Variants in MACROD2 observed in about 807,000 individuals in gnomAD.
MACROD2 encodes mono-ADP ribosylhydrolase 2.
Under a neutral mutation model 70.4 loss-of-function variants are expected in MACROD2, and 36 were observed. The observed-to-expected ratio is 0.51, with a 90% CI of 0.39 to 0.68. The LOEUF (loss-of-function observed/expected upper bound fraction) is 0.68, where lower values mean the gene tolerates loss of function less well. Ranked by LOEUF, MACROD2 falls within the 30% of genes least tolerant of loss-of-function variation. MACROD2 has a pLI of 0.00. For missense variants in MACROD2, 496 were observed against 538.4 expected (o/e 0.92, Z 0.78); for synonymous variants, 172 against 178.8 (o/e 0.96, Z 0.30).
intron 10 of MACROD2, among the ~76,000 whole-genome samples, chr20:15,924,394 C>T (rs975100738): frequency 7.2e-5 from 11 of 152,240 alleles, no homozygotes; most frequent in African/African-American, 2.7e-4. Context: ...CAATCGTTGA[C>T]TTCCCAAAGA....
At chr20:14,657,803 C>T (rs958055138) in intron 4 of MACROD2, among the ~76,000 whole-genome samples, 2 of 152,050 alleles carry the variant, frequency 1.3e-5, no homozygotes, top group African/African-American at 2.4e-5. Context: ...TATCAGACCA[C>T]CCAAGGAAGG....
chr20:15,541,477 G>C (rs2146567963), intron 8 of MACROD2, among the ~76,000 whole-genome samples: 1 of 152,224 alleles, frequency 6.6e-6, no homozygotes, highest in South Asian at 2.1e-4. Context: ...AGGCAAGCAG[G>C]CCAAACGTGG....
chr20:14,482,370 A>G (rs2084672746), intron 3 of MACROD2, among the ~76,000 whole-genome samples: 1 of 152,132 alleles, frequency 6.6e-6, no homozygotes, highest in Admixed American at 6.5e-5. Context: ...ACAGTAGTTT[A>G]AAAAAGAGAA....
chr20:15,330,918 C>T (rs1254603546), intron 6 of MACROD2, among the ~76,000 whole-genome samples: 1 of 151,680 alleles, frequency 6.6e-6, no homozygotes, highest in Non-Finnish European at 1.5e-5. Context: ...TCTTCTGCCC[C>T]TGGCTATCTC....
intron 5 of MACROD2, among the ~76,000 whole-genome samples, chr20:15,092,986 T>A (rs2075803155): frequency 6.6e-6 from 1 of 152,176 alleles, no homozygotes; most frequent in Admixed American, 6.5e-5. Flanking sequence ...AGAGTTTTAT[T>A]CTACAAAGTA....
chr20:15,982,869 C>T (rs1390864720), intron 13 of MACROD2, among the ~76,000 whole-genome samples: 1 of 151,888 alleles, frequency 6.6e-6, no homozygotes, highest in Non-Finnish European at 1.5e-5. Context: ...CTTGTGCTAA[C>T]AGGGCCGTTG....
chr20:14,831,030 G>A lies in MACROD2; in HGVS notation c.418+146071G>A, dbSNP rs1170480285. Among the ~76,000 whole-genome samples the A allele has an allele frequency of 6.6e-5, 10 of 152,066 alleles. No individual in the cohort carries two copies. The East Asian group carries it at 1.9e-3, about 29-fold the overall frequency. The stretch of plus-strand genomic sequence containing the variant: ...GTTACTGTTTCTGCACATTTCCCTC[G>A]GGATGGTGGTTTGTGAGCATACCTA... On this transcript the variant is annotated intron_variant, in intron 5 of 17. Coordinates refer to ENST00000684519, the MANE Select transcript of MACROD2 (RefSeq NM_001351661.2).
At chr20:14,333,552 C>CTT (rs1198264336) in intron 3 of MACROD2, among the ~76,000 whole-genome samples, 3 of 152,080 alleles carry the variant, frequency 2.0e-5, no homozygotes, top group African/African-American at 7.2e-5. Flanking sequence ...TAAATTTGTG[C>CTT]TTTTGAGCAA....
At chr20:14,518,724 T>C (rs961431107) in intron 4 of MACROD2, among the ~76,000 whole-genome samples, 3 of 152,052 alleles carry the variant, frequency 2.0e-5, no homozygotes, top group African/African-American at 7.2e-5. Flanking sequence ...TATAAAAATA[T>C]AAAGCCTGGC....
At chr20:15,177,942 CTT>C (rs1160389671) in intron 5 of MACROD2, among the ~76,000 whole-genome samples, 2 of 145,212 alleles carry the variant, frequency 1.4e-5, no homozygotes, top group African/African-American at 2.5e-5. Context: ...AAATGGCATG[CTT>C]TTTTTTTTTT....
chr20:14,071,283 T>A (rs12481183), intron 2 of MACROD2, among the ~76,000 whole-genome samples: 1 of 114,420 alleles, frequency 8.7e-6, no homozygotes, highest in Non-Finnish European at 1.8e-5. Context: ...TTTTTTGAGA[T>A]GGAGTCTTGC....
rs577998374 is a variant in MACROD2 at position 14,776,251 on chromosome 20, C to T, written c.418+91292C>T. On this transcript the variant is annotated intron_variant, in intron 5 of 17. Transcript: ENST00000684519. ...GGGGTTTCGTAGTCCAAAGTCTGGA[C>T]TCAAGGGAACCTCAGATAACCAGTA... Among the ~76,000 whole-genome samples the T allele has an allele frequency of 3.4e-4, 52 of 152,080 alleles. 1 individual carries two copies. The highest frequency in any genetic ancestry group is 2.6e-3 in the Admixed American group (40 of 15,254).
intron 4 of MACROD2, among the ~76,000 whole-genome samples, chr20:14,502,194 T>C (rs2084921908): frequency 6.6e-6 from 1 of 152,224 alleles, no homozygotes; most frequent in African/African-American, 2.4e-5. Context: ...GAATTGTTTT[T>C]TTAACTGTAT....
At chr20:14,256,615 T>C (rs2082058581) in intron 3 of MACROD2, among the ~76,000 whole-genome samples, 1 of 152,174 alleles carries the variant, frequency 6.6e-6, no homozygotes, top group African/African-American at 2.4e-5. Context: ...GAAGCTTGCC[T>C]TCATTTCTTG....
At chr20:15,216,485 A>G (rs1275491520) in intron 5 of MACROD2, among the ~76,000 whole-genome samples, 1 of 152,208 alleles carries the variant, frequency 6.6e-6, no homozygotes, top group Non-Finnish European at 1.5e-5. Flanking sequence ...TTTTTCTCAC[A>G]GTAGACGTGA....
chr20:14,014,128 T>C (rs2052953557), intron 2 of MACROD2, among the ~76,000 whole-genome samples: 1 of 152,130 alleles, frequency 6.6e-6, no homozygotes, highest in South Asian at 2.1e-4. Context: ...TAAATAAGGA[T>C]TTTCCTTAAA....
intron 6 of MACROD2, among the ~76,000 whole-genome samples, chr20:15,234,003 A>ATTCT (rs1236481277): frequency 1.8e-5 from 1 of 57,020 alleles, no homozygotes; most frequent in Admixed American, 2.7e-4. Flanking sequence ...ATATATATAT[A>ATTCT]TATATATTCT....
intron 8 of MACROD2, among the ~76,000 whole-genome samples, chr20:15,608,193 G>A (rs186614495): frequency 3.0e-4 from 45 of 152,274 alleles, no homozygotes; most frequent in African/African-American, 8.7e-4. Context: ...TTGTGATAAC[G>A]TCCTGTATCT....
intron 2 of MACROD2, among the ~76,000 whole-genome samples, chr20:14,033,607 G>T (rs144797707): frequency 6.0e-4 from 92 of 152,244 alleles, no homozygotes; most frequent in African/African-American, 2.0e-3. Flanking sequence ...ATTAATGAAC[G>T]TGATACATGC....
Sources: allele counts gnomAD v4.1 joint callset (sites outside exome capture counted in the v4.1 genomes callset), GRCh38; gene constraint gnomAD v4.1.1; transcripts MANE v1.5; gene names NCBI Gene and HGNC (gene_info 2026-07-23, HGNC 2026-07-21).